The following BCO2 variants were observed in gnomAD, a reference collection of about 807,000 sequenced individuals.
BCO2 encodes the protein beta-carotene oxygenase 2.
BCO2 carries 56 observed loss-of-function variants against 65.8 expected under a neutral mutation model. The ratio of observed to expected loss-of-function variants is 0.85; its 90% CI spans 0.69 to 1.06. BCO2 has a LOEUF of 1.06. Among genes scored for constraint, BCO2 ranks in the 50% least tolerant of loss-of-function variants. BCO2 has a pLI of 0.00. For missense variants in BCO2, 675 were observed against 698.5 expected (o/e 0.97, Z 0.38); for synonymous variants, 233 against 242.3 (o/e 0.96, Z 0.36).
At chr11:112,192,180 G>A (rs926567167) in intron 2 of BCO2, among the ~76,000 whole-genome samples, 5 of 152,130 alleles carry the variant, frequency 3.3e-5, no homozygotes, top group Non-Finnish European at 7.4e-5. Context: ...GAATCATACA[G>A]CATTTGTCTT....
chr11:112,179,607 A>G (rs1803687452), intron 2 of BCO2, 125 bp downstream of exon 2: 1 of 859,852 alleles, frequency 1.2e-6, no homozygotes, highest in South Asian at 1.7e-5. Context: ...TTACAGATAA[A>G]GAAACTGTAG....
At position 112,193,452 on chromosome 11, in the gene BCO2, A is replaced by G. The variant is rs374632797; in HGVS notation, c.294-22A>G. On this transcript the variant is annotated intron_variant, in intron 2 of 11. Transcript: ENST00000357685. Reference sequence around the variant, plus strand: ...ATCTCATGTTTTCTTACTGATATTTATTTATTTTCTCCTGTTTGAAGGTAC... The same window carrying G: ...ATCTCATGTTTTCTTACTGATATTTGTTTATTTTCTCCTGTTTGAAGGTAC... 1.4e-4 allele frequency: 225 copies of G among 1,592,416 alleles called. 1 individual carries two copies. In the Middle Eastern group the frequency reaches 2.0e-3, roughly 14 times the overall value.
chr11:112,179,713 AAAAG>A (rs1392555091), intron 2 of BCO2: 1 of 510,240 alleles, frequency 2.0e-6, no homozygotes, highest in African/African-American at 1.9e-5. Flanking sequence ...GGTTTGTACC[AAAAG>A]AAGAGAGGTG....
In BCO2 at chr11:112,194,704, T is replaced by C; in HGVS notation, c.685T>C (p.Tyr229His). ...AVNGATAHPH[Y>H]DLDGTAYNMG... is the part of the protein sequence containing the mutation. The stretch of plus-strand genomic sequence containing the variant: ...GAATGGAGCAACTGCACATCCTCAT[T>C]ATGACCTGGATGGAACAGCATACAA... Residue 229 changes from tyrosine (Y) to histidine (H), a missense_variant, in exon 5 of 12, where the codon TAT becomes CAT. Coordinates refer to ENST00000357685, the MANE Select transcript of BCO2 (RefSeq NM_031938.7). 1.2e-6 allele frequency: 2 copies of C among 1,613,430 alleles called. No homozygotes were observed. The highest frequency in any genetic ancestry group is 1.7e-6 in the Non-Finnish European group (2 of 1,179,600).
chr11:112,202,291 T>TCTC, intron 8 of BCO2, 101 bp downstream of exon 8: 1 of 1,117,002 alleles, frequency 9.0e-7, no homozygotes. Context: ...CTCTCTCTCT[T>TCTC]TTTTCTTTTG....
At chr11:112,193,010 C>G (rs573795365) in intron 2 of BCO2, among the ~76,000 whole-genome samples, 1 of 126,564 alleles carries the variant, frequency 7.9e-6, no homozygotes, top group African/African-American at 2.9e-5. Flanking sequence ...TAGAGTCTCC[C>G]TCTGTCGCCC....
chr11:112,194,868 C>G, intron 5 of BCO2, 113 bp downstream of exon 5: 1 of 658,514 alleles, frequency 1.5e-6, no homozygotes, highest in Non-Finnish European at 2.6e-6. Flanking sequence ...AGAGGGTGCT[C>G]TGGACACCTC....
chr11:112,191,877 G>A (rs1373955249), intron 2 of BCO2, among the ~76,000 whole-genome samples: 1 of 151,938 alleles, frequency 6.6e-6, no homozygotes, highest in African/African-American at 2.4e-5. Context: ...GGTTAAAGAA[G>A]GACTTTTTCT....
intron 5 of BCO2, among the ~76,000 whole-genome samples, chr11:112,196,831 TTC>T (rs1469606255): frequency 1.3e-5 from 2 of 148,434 alleles, no homozygotes; most frequent in Admixed American, 1.3e-4. Flanking sequence ...CTCCTCCTCC[TTC>T]TCTCTCTTCC....
intron 8 of BCO2, 53 bp from the exon 9 acceptor site, chr11:112,213,671 C>G: frequency 1.9e-6 from 3 of 1,541,840 alleles, no homozygotes; most frequent in Non-Finnish European, 2.7e-6. Context: ...ATTATTGGGA[C>G]ATACTGTTAC....
intron 8 of BCO2, among the ~76,000 whole-genome samples, chr11:112,208,403 T>G (rs748213773): frequency 1.4e-5 from 2 of 146,082 alleles, no homozygotes; most frequent in East Asian, 4.1e-4. Context: ...TAACTCTACA[T>G]GTAAGCTGTA....
intron 2 of BCO2, chr11:112,181,527 G>GAACT (rs765126647): frequency 2.7e-6 from 2 of 737,442 alleles, no homozygotes; most frequent in South Asian, 1.4e-5. Flanking sequence ...AACCCATTTT[G>GAACT]AACTACTTGC....
intron 5 of BCO2, among the ~76,000 whole-genome samples, chr11:112,197,977 G>A (rs1867627302): frequency 6.6e-6 from 1 of 152,150 alleles, no homozygotes; most frequent in Non-Finnish European, 1.5e-5. Context: ...TCTTTACTCA[G>A]ACATGACCCA....
chr11:112,199,730 A>G lies in BCO2; in HGVS notation c.768A>G (p.Pro256=). The G allele has an allele frequency of 6.2e-7, 1 of 1,613,808 alleles. No individual in the cohort carries two copies. Residue 256 remains proline, a synonymous_variant, in exon 6 of 12, where the codon CCA becomes CCG. Transcript: ENST00000357685. ...GFSYKVIRVP[P]EKVDLGETIH... ...CCTATAAGGTTATTCGGGTTCCTCC[A>G]GAGAAGGTGGACCTTGGGGAGACAA... is the stretch of plus-strand genomic sequence containing the variant.
intron 2 of BCO2, chr11:112,181,393 G>A: frequency 1.8e-6 from 1 of 553,280 alleles, no homozygotes; most frequent in Non-Finnish European, 3.3e-6. Flanking sequence ...GTTTTAGCTG[G>A]GATGGTCTCG....
chr11:112,197,525 G>A (rs1867614024), intron 5 of BCO2, among the ~76,000 whole-genome samples: 1 of 149,360 alleles, frequency 6.7e-6, no homozygotes, highest in African/African-American at 2.5e-5. Flanking sequence ...TCCAGCCTGA[G>A]TGACAGAGTA....
At chr11:112,212,566 A>T (rs996730247) in intron 8 of BCO2, among the ~76,000 whole-genome samples, 4 of 152,210 alleles carry the variant, frequency 2.6e-5, no homozygotes, top group African/African-American at 9.7e-5. Flanking sequence ...GAAAAGGCAC[A>T]TGAGATGAAG....
At chr11:112,199,908 T>C (rs1867684339) in intron 6 of BCO2, 81 bp downstream of exon 6, 8 of 1,504,858 alleles carry the variant, frequency 5.3e-6, no homozygotes, top group South Asian at 1.2e-5. Context: ...GCAAATGTTA[T>C]GTTAATAGTT....
chr11:112,179,458 G>C lies in BCO2; in HGVS notation c.269G>C (p.Gly90Ala). The stretch of plus-strand genomic sequence containing the variant: ...GGCTCTCTACTTCGAATTGGACCTG[G>C]GAAATTCGAGTTTGGGAAGGATAAG... ...LNGSLLRIGP[G>A]KFEFGKDKYN... is the part of the protein sequence containing the mutation. Residue 90 changes from glycine to alanine, a missense_variant, in exon 2 of 12, where the codon GGG (glycine) becomes GCG (alanine). Coordinates refer to ENST00000357685, the MANE Select transcript of BCO2 (RefSeq NM_031938.7). 1 of 1,614,050 alleles carries C rather than the reference G, an allele frequency of 6.2e-7. No individual in the cohort carries two copies. The highest frequency in any genetic ancestry group is 8.5e-7 in the Non-Finnish European group (1 of 1,180,010).
Sources: allele counts gnomAD v4.1 joint callset (sites outside exome capture counted in the v4.1 genomes callset), GRCh38; gene constraint gnomAD v4.1.1; transcripts MANE v1.5; gene names NCBI Gene and HGNC (gene_info 2026-07-23, HGNC 2026-07-21).